ZNF592: variants seen among roughly 807,000 people sequenced by gnomAD.
The protein encoded by ZNF592 is spinocerebellar ataxia, autosomal recessive 5.
In ZNF592, 11 loss-of-function variants were observed where a neutral mutation model predicts 80.3. The ratio of observed to expected loss-of-function variants is 0.14; its 90% CI spans 0.09 to 0.23. The LOEUF is 0.23. Among genes scored for constraint, ZNF592 ranks in the 10% least tolerant of loss-of-function variants. ZNF592 has a pLI of 1.00. For synonymous variants in ZNF592, 646 were observed against 640.3 expected, an observed-to-expected ratio of 1.01 and a Z score of -0.13; for missense variants, 1,420 against 1,633.9, an observed-to-expected ratio of 0.87 and a Z score of 2.26.
intron 5 of ZNF592, among the ~76,000 whole-genome samples, chr15:84,796,972 T>TC (rs925039045): frequency 4.0e-5 from 6 of 151,590 alleles, no homozygotes; most frequent in African/African-American, 7.3e-5. Flanking sequence ...CTTCCCCCGC[T>TC]CCCCCCCAAG....
At position 84,783,390 on chromosome 15, in the gene ZNF592, G is replaced by A. The variant is rs138885903; in HGVS notation, c.715G>A (p.Gly239Arg). ...GGATCCGGATGCCACTCGATTCTTC[G>A]GGGAAGCTTTGGAGTTCAACAGCCA... ...HKDPDATRFF[G>R]EALEFNSHPS... The change falls in exon 4 of 11, where the codon GGG becomes AGG. Residue 239 changes from glycine to arginine, a missense_variant. Gly to Arg is a moderately radical substitution (Grantham distance 125). Transcript: ENST00000560079. The surrounding 1 kb of genome is among the most constrained non-coding windows in gnomAD (Gnocchi z 5.0). The A allele has an allele frequency of 2.7e-5, 43 of 1,614,064 alleles. No individual in the cohort carries two copies. The African/African-American group carries it at 3.7e-4, about 14-fold the overall frequency.
rs73455546 is a variant in ZNF592, at chr15:84,792,782, T to G, written c.2399+1899T>G. ...AAACATTTAAAAATGTAGACTGATTTCTTTTTCATCTTATGGAGGATGGAG... is the reference window on the plus strand; with the variant it reads ...AAACATTTAAAAATGTAGACTGATTGCTTTTTCATCTTATGGAGGATGGAG... On this transcript the variant is annotated intron_variant, in intron 5 of 10. Transcript: ENST00000560079. 7.8e-3 allele frequency among the ~76,000 whole-genome samples: 1,189 copies of G among 152,274 alleles called. 15 individuals are homozygous for G. The highest frequency in any genetic ancestry group is 0.027 in the African/African-American group (1,141 of 41,556).
In ZNF592 at chr15:84,784,104, T is replaced by A. The variant is rs902847598; in HGVS notation, c.1429T>A (p.Ser477Thr). The A allele has an allele frequency of 6.2e-6, 10 of 1,614,114 alleles. No homozygotes were observed. Among genetic ancestry groups the A allele is most frequent in the Non-Finnish European group, 7.6e-6 (9 of 1,180,026 alleles). Reference sequence around the variant, plus strand: ...GGTCCCAAAGGGGGCTGCCCCAGGCTCACAGACAGGCAAGAAGCAACAGAG... The same window carrying A: ...GGTCCCAAAGGGGGCTGCCCCAGGCACACAGACAGGCAAGAAGCAACAGAG... ...PRVPKGAAPGSQTGKKQQSTA... is the reference protein window; with the variant it reads ...PRVPKGAAPGTQTGKKQQSTA... Residue 477 changes from serine (S) to threonine (T), a missense_variant, in exon 4 of 11, where the codon TCA becomes ACA. Ser to Thr is a moderately conservative substitution (Grantham distance 58). Transcript: ENST00000560079. The surrounding 1 kb of genome is among the most constrained non-coding windows in gnomAD (Gnocchi z 5.8).
chr15:84,787,989 T>A (rs1163671776), intron 4 of ZNF592, among the ~76,000 whole-genome samples: 1 of 152,222 alleles, frequency 6.6e-6, no homozygotes, highest in Non-Finnish European at 1.5e-5. Context: ...TTTAACTGAT[T>A]GCTTCCTAAG....
chr15:84,779,018 G>T (rs951233206), intron 3 of ZNF592, among the ~76,000 whole-genome samples: 3 of 152,174 alleles, frequency 2.0e-5, no homozygotes, highest in Non-Finnish European at 4.4e-5. Context: ...TTAAGGAGTG[G>T]AGCATTTAAT....
intron 2 of ZNF592, among the ~76,000 whole-genome samples, chr15:84,776,824 G>A (rs537262866): frequency 9.9e-5 from 15 of 152,246 alleles, no homozygotes; most frequent in African/African-American, 3.4e-4. Flanking sequence ...GGCCAAGGCC[G>A]GTGGAATACG....
At chr15:84,764,493 G>T (rs1899441839) in intron 1 of ZNF592, among the ~76,000 whole-genome samples, 1 of 152,152 alleles carries the variant, frequency 6.6e-6, no homozygotes, top group Admixed American at 6.6e-5. Context: ...TGAAGCACCA[G>T]CCTGTAATAG....
At chr15:84,774,182 T>C (rs1236713242) in intron 2 of ZNF592, among the ~76,000 whole-genome samples, 3 of 152,226 alleles carry the variant, frequency 2.0e-5, no homozygotes, top group Non-Finnish European at 4.4e-5. Flanking sequence ...AACCTGTCTT[T>C]TAATTTTGCT....
In ZNF592 at chr15:84,803,981, A is replaced by G. The variant is rs1051458986; in HGVS notation, c.*1588A>G. 1 of 152,270 alleles carries G rather than the reference A, an allele frequency of 6.6e-6. No individual in the cohort carries two copies. Among genetic ancestry groups the G allele is most frequent in the African/African-American group, 2.4e-5 (1 of 41,480 alleles). The allele number at this position is 152,270 out of a possible 1,614,324, so 9.4% of individuals were successfully genotyped here. On this transcript the variant is annotated 3_prime_UTR_variant, in exon 11 of 11. Transcript: ENST00000560079. ...AGGCATTAAATATCAATTATAAATTATTAAGTCAGATAAATATGCCTGACC... is the reference window on the plus strand; with the variant it reads ...AGGCATTAAATATCAATTATAAATTGTTAAGTCAGATAAATATGCCTGACC...
chr15:84,784,713 T>C lies in ZNF592; in HGVS notation c.2038T>C (p.Ser680Pro), dbSNP rs1461508177. The part of the protein sequence containing the change: ...TAPAAPAPSS[S>P]PKHGLTSGSA... ...ACCAGCAGCCCCAGCCCCTTCATCC[T>C]CTCCCAAACATGGCCTCACTTCGGG... The change falls in exon 4 of 11, where the codon TCT becomes CCT. Residue 680 changes from serine to proline, a missense_variant. By Grantham distance (74) the Ser-to-Pro change is moderately conservative (BLOSUM62 -1). Transcript: ENST00000560079. The surrounding 1 kb of genome is among the most constrained non-coding windows in gnomAD (Gnocchi z 5.8). 1 of 1,613,946 alleles carries C rather than the reference T, an allele frequency of 6.2e-7. No individual in the cohort carries two copies. Among genetic ancestry groups the C allele is most frequent in the Admixed American group, 1.7e-5 (1 of 59,988 alleles).
At chr15:84,787,072 G>C (rs899029146) in intron 4 of ZNF592, among the ~76,000 whole-genome samples, 2 of 152,006 alleles carry the variant, frequency 1.3e-5, no homozygotes. Context: ...GGCCGGTCTT[G>C]AACTTCGGAC....
chr15:84,796,265 T>TATATATATATATATA (rs1396711040), intron 5 of ZNF592, among the ~76,000 whole-genome samples: 6 of 43,632 alleles, frequency 1.4e-4, no homozygotes, highest in African/African-American at 1.5e-4. Flanking sequence ...TATATATATA[T>TATATATATATATATA]TTTATATATA....
rs1962523473 is a variant in ZNF592 at position 84,784,393 on chromosome 15, G to A, written c.1718G>A (p.Ser573Asn). 1.2e-6 allele frequency: 2 copies of A among 1,614,054 alleles called. No individual in the cohort carries two copies. Among genetic ancestry groups the A allele is most frequent in the Non-Finnish European group, 1.7e-6 (2 of 1,180,044 alleles). ...GTGCCCCTCTATGCGCCAAATCTCA[G>A]CCCGCCTGCGGACAGCAGGATCCAC... ...NPVPLYAPNL[S>N]PPADSRIHVP... is the part of the protein sequence containing the mutation. The change falls in exon 4 of 11, where the codon AGC (serine) becomes AAC (asparagine). Residue 573 changes from serine (S) to asparagine (N), a missense_variant. Physicochemically the swap from Ser to Asn is conservative, Grantham distance 46. Coordinates refer to ENST00000560079, the MANE Select transcript of ZNF592 (RefSeq NM_014630.3). The surrounding 1 kb of genome is among the most constrained non-coding windows in gnomAD (Gnocchi z 5.8).
chr15:84,766,458 T>A (rs536788245), intron 2 of ZNF592, among the ~76,000 whole-genome samples: 22 of 152,238 alleles, frequency 1.4e-4, no homozygotes, highest in Non-Finnish European at 2.8e-4. Flanking sequence ...CTGCTTTGGC[T>A]GGGGCCCTAC....
chr15:84,783,565 C>G lies in ZNF592; in HGVS notation c.890C>G (p.Ala297Gly), dbSNP rs754123444. 6.2e-7 allele frequency: 1 copy of G among 1,614,204 alleles called. No homozygotes were observed. The highest frequency in any genetic ancestry group is 8.5e-7 in the Non-Finnish European group (1 of 1,180,038). The change falls in exon 4 of 11, where the codon GCT becomes GGT. Residue 297 changes from alanine (A) to glycine (G), a missense_variant. By Grantham distance (60) the Ala-to-Gly change is moderately conservative (BLOSUM62 0). Around this residue, in one of 7 missense-constraint regions of ZNF592, gnomAD observed 373 missense variants for 355.5 expected, o/e 1.05. Transcript: ENST00000560079. The surrounding 1 kb of genome is among the most constrained non-coding windows in gnomAD (Gnocchi z 5.0). ...GTGGCCTTGCAGGCCAAAAGAGTGG[C>G]TAGTGTCACTAAGGAGGATCAGCCT... is the stretch of plus-strand genomic sequence containing the variant. ...ALVALQAKRV[A>G]SVTKEDQPGH...
intron 5 of ZNF592, among the ~76,000 whole-genome samples, chr15:84,794,423 A>G (rs1354225585): frequency 6.6e-6 from 1 of 151,500 alleles, no homozygotes; most frequent in African/African-American, 2.4e-5. Context: ...TGGGTGTGAA[A>G]TGGTATCTTG....
chr15:84,790,324 C>T (rs1321713817), intron 4 of ZNF592, among the ~76,000 whole-genome samples: 1 of 152,122 alleles, frequency 6.6e-6, no homozygotes, highest in African/African-American at 2.4e-5. Flanking sequence ...CTCTACTGAG[C>T]TGTGACAGAG....
intron 1 of ZNF592, among the ~76,000 whole-genome samples, chr15:84,750,649 A>G (rs1898987490): frequency 6.6e-6 from 1 of 152,180 alleles, no homozygotes; most frequent in African/African-American, 2.4e-5. Flanking sequence ...TATAGTGAAT[A>G]TAAGAAGAGA....
chr15:84,766,603 G>A (rs904779807), intron 2 of ZNF592, among the ~76,000 whole-genome samples: 1 of 151,918 alleles, frequency 6.6e-6, no homozygotes, highest in African/African-American at 2.4e-5. Context: ...CTGGAGAGTT[G>A]GGGGGCGGAT....
Sources: gnomAD v4.1 joint callset for allele counts (sites outside exome capture counted in the v4.1 genomes callset) on GRCh38, gnomAD v4.1.1 for gene constraint, gnomAD v4.1.1 regional missense constraint, Gnocchi (gnomAD v3.1) non-coding constraint, MANE v1.5 for transcripts, NCBI Gene and HGNC (gene_info 2026-07-23, HGNC 2026-07-21) for gene names.